AGBL4: variants seen among roughly 807,000 people sequenced by gnomAD.
The protein encoded by AGBL4 is cytosolic carboxypeptidase 6.
Under a neutral mutation model 66.4 loss-of-function variants are expected in AGBL4, and 58 were observed. That is an observed-to-expected ratio of 0.87 (90% CI 0.71 to 1.09). The LOEUF (loss-of-function observed/expected upper bound fraction) is 1.09, where lower values mean the gene tolerates loss of function less well. Among genes scored for constraint, AGBL4 ranks in the 50% least tolerant of loss-of-function variants. The pLI, the probability that AGBL4 is intolerant of heterozygous loss-of-function variation, is 0.00. For missense variants in AGBL4, 579 were observed against 631.0 expected, an observed-to-expected ratio of 0.92 and a Z score of 0.88; for synonymous variants, 234 against 222.9, an observed-to-expected ratio of 1.05 and a Z score of -0.44.
At position 48,742,537 on chromosome 1, in the gene AGBL4, G is replaced by A. The variant is rs969233814; in HGVS notation, c.635-79296C>T. ...CCAGGAGGCCAACCAGTCAAGCTGC[G>A]ATTTGGAAAGCTCCCACCATACTCT... On this transcript the variant is annotated intron_variant, in intron 6 of 13. Coordinates refer to ENST00000371839, the MANE Select transcript of AGBL4 (RefSeq NM_032785.4). 1.4e-5 allele frequency: 18 copies of A among 1,300,158 alleles called. No homozygotes were observed. In the African/African-American group the frequency reaches 2.1e-4, roughly 15 times the overall value. 80.5% of individuals were successfully genotyped at this position (1,300,158 alleles called of 1,614,324 possible).
chr1:49,643,037 T>C (rs2124414399), intron 3 of AGBL4, among the ~76,000 whole-genome samples: 1 of 152,074 alleles, frequency 6.6e-6, no homozygotes, highest in African/African-American at 2.4e-5. Context: ...ATATGAATAT[T>C]AAACCAGTTA....
At chr1:49,118,141 A>C (rs1422398479) in intron 4 of AGBL4, among the ~76,000 whole-genome samples, 1 of 152,188 alleles carries the variant, frequency 6.6e-6, no homozygotes, top group Non-Finnish European at 1.5e-5. Context: ...TTTTCTAAAT[A>C]TATGATCATG....
chr1:49,917,650 C>A (rs1651697575), intron 1 of AGBL4, among the ~76,000 whole-genome samples: 1 of 152,064 alleles, frequency 6.6e-6, no homozygotes, highest in Non-Finnish European at 1.5e-5. Flanking sequence ...CTTTAACACC[C>A]CACTGTCAAC....
chr1:49,649,783 T>C (rs556653410), intron 3 of AGBL4, among the ~76,000 whole-genome samples: 187 of 152,264 alleles, frequency 1.2e-3, no homozygotes, highest in Non-Finnish European at 2.3e-3. Context: ...ATGGAATTCA[T>C]ATAATGTTTA....
At chr1:49,619,840 C>T (rs770267617) in intron 3 of AGBL4, among the ~76,000 whole-genome samples, 15 of 151,928 alleles carry the variant, frequency 9.9e-5, no homozygotes, top group East Asian at 1.9e-4. Flanking sequence ...ATCTGATCTG[C>T]GACAAACCTG....
intron 11 of AGBL4, among the ~76,000 whole-genome samples, chr1:48,575,135 C>G (rs115539579): frequency 0.012 from 1,893 of 152,286 alleles, 21 homozygotes; most frequent in Non-Finnish European, 0.018. Flanking sequence ...CTCGAGATCA[C>G]AGCAAGTCAG....
At chr1:49,595,704 A>G (rs192468083) in intron 3 of AGBL4, among the ~76,000 whole-genome samples, 2 of 152,176 alleles carry the variant, frequency 1.3e-5, no homozygotes, top group Non-Finnish European at 2.9e-5. Context: ...TCATAGCATA[A>G]GCACACAAGA....
At chr1:49,948,017 A>ATTT (rs1655477546) in intron 1 of AGBL4, among the ~76,000 whole-genome samples, 1 of 22,004 alleles carries the variant, frequency 4.5e-5, no homozygotes, top group African/African-American at 2.5e-4. Context: ...TAAATATATA[A>ATTT]ATATATATAA....
At chr1:49,483,164 T>A (rs1219991621) in intron 3 of AGBL4, among the ~76,000 whole-genome samples, 1 of 152,090 alleles carries the variant, frequency 6.6e-6, no homozygotes, top group Non-Finnish European at 1.5e-5. Flanking sequence ...GTCTTGAATA[T>A]CTTTGTTAAT....
At chr1:49,740,969 C>T (rs1039826867) in intron 2 of AGBL4, among the ~76,000 whole-genome samples, 1 of 152,072 alleles carries the variant, frequency 6.6e-6, no homozygotes, top group Non-Finnish European at 1.5e-5. Flanking sequence ...AATTGACACC[C>T]TAACATCACA....
chr1:48,921,002 A>C (rs1246279038), intron 5 of AGBL4, among the ~76,000 whole-genome samples: 1 of 152,226 alleles, frequency 6.6e-6, no homozygotes, highest in Non-Finnish European at 1.5e-5. Context: ...TATTGATTAC[A>C]CATTCCATTT....
chr1:48,834,638 C>A (rs1646634936), intron 6 of AGBL4, among the ~76,000 whole-genome samples: 2 of 152,114 alleles, frequency 1.3e-5, no homozygotes, highest in Admixed American at 1.3e-4. Flanking sequence ...GAAAGAGAGC[C>A]CTCACCAAGG....
intron 3 of AGBL4, among the ~76,000 whole-genome samples, chr1:49,678,424 T>C (rs879657174): frequency 6.6e-6 from 1 of 152,174 alleles, no homozygotes; most frequent in Non-Finnish European, 1.5e-5. Context: ...TTTTGCTAGA[T>C]TGATTTTCTC....
chr1:49,286,880 AC>A (rs1456554934), intron 3 of AGBL4, among the ~76,000 whole-genome samples: 2 of 152,188 alleles, frequency 1.3e-5, no homozygotes, highest in Non-Finnish European at 2.9e-5. Flanking sequence ...TTCATATGGA[AC>A]CAAAAAAGAG....
At chr1:49,686,659 T>C (rs1646793599) in intron 3 of AGBL4, among the ~76,000 whole-genome samples, 1 of 152,206 alleles carries the variant, frequency 6.6e-6, no homozygotes, top group Admixed American at 6.5e-5. Context: ...ATCTGTCTTA[T>C]TCAATGCTGA....
intron 4 of AGBL4, among the ~76,000 whole-genome samples, chr1:49,109,211 GAGA>G (rs939651060): frequency 5.3e-5 from 8 of 152,078 alleles, no homozygotes; most frequent in Non-Finnish European, 1.2e-4. Context: ...CTGGATTGGG[GAGA>G]AGGTTTCCCC....
At chr1:49,946,695 T>C (rs552548350) in intron 1 of AGBL4, among the ~76,000 whole-genome samples, 2 of 150,708 alleles carry the variant, frequency 1.3e-5, no homozygotes, top group Admixed American at 6.6e-5. Flanking sequence ...AGAAAAGAAA[T>C]AACCAAGATC....
intron 3 of AGBL4, among the ~76,000 whole-genome samples, chr1:49,327,225 C>T (rs1645244678): frequency 6.6e-6 from 1 of 152,130 alleles, no homozygotes; most frequent in Non-Finnish European, 1.5e-5. Flanking sequence ...TATTTAAAGG[C>T]TTTGGGGAGT....
chr1:49,366,691 G>A (rs1644247867), intron 3 of AGBL4, among the ~76,000 whole-genome samples: 1 of 152,114 alleles, frequency 6.6e-6, no homozygotes, highest in Non-Finnish European at 1.5e-5. Context: ...CATCCCAAAT[G>A]AGTTCCCATG....
Sources: gnomAD v4.1 joint callset for allele counts (sites outside exome capture counted in the v4.1 genomes callset) on GRCh38, gnomAD v4.1.1 for gene constraint, MANE v1.5 for transcripts, NCBI Gene and HGNC (gene_info 2026-07-23, HGNC 2026-07-21) for gene names.